PCNX1: variants seen among roughly 807,000 people sequenced by gnomAD.
PCNX1 encodes pecanex 1.
In PCNX1, 78 loss-of-function variants were observed where a neutral mutation model predicts 242.2. The observed-to-expected ratio is 0.32, with a 90% CI of 0.27 to 0.39. The LOEUF is 0.39. Among genes scored for constraint, PCNX1 ranks in the 10% least tolerant of loss-of-function variants. PCNX1 has a pLI of 1.00. For missense variants in PCNX1, 2,581 were observed against 2,856.5 expected, an observed-to-expected ratio of 0.90 and a Z score of 2.20; for synonymous variants, 1,024 against 1,032.9, an observed-to-expected ratio of 0.99 and a Z score of 0.17.
chr14:71,068,964 C>CA (rs2141373582), intron 26 of PCNX1, among the ~76,000 whole-genome samples: 1 of 152,170 alleles, frequency 6.6e-6, no homozygotes, highest in African/African-American at 2.4e-5. Context: ...TGCTGATAAA[C>CA]ACGTACTCGA....
intron 3 of PCNX1, among the ~76,000 whole-genome samples, chr14:70,965,652 G>A (rs2058355858): frequency 8.8e-6 from 1 of 113,934 alleles, no homozygotes; most frequent in South Asian, 3.2e-4. Flanking sequence ...AACAGAGTGA[G>A]ACTCCGTCTC....
At chr14:71,060,225 T>G (rs753429383) in intron 26 of PCNX1, among the ~76,000 whole-genome samples, 3 of 152,158 alleles carry the variant, frequency 2.0e-5, no homozygotes, top group Non-Finnish European at 4.4e-5. Context: ...GTGTTTATGG[T>G]GATGCTGGTA....
rs139251046 is a variant in PCNX1, at chr14:70,911,820, C to T, written c.153+3817C>T. On this transcript the variant is annotated intron_variant, in intron 1 of 35. Coordinates refer to ENST00000304743, the MANE Select transcript of PCNX1 (RefSeq NM_014982.3). ...AAAAAATGGCTAATTGGAAGTGTTTCCTCTATAATGCTGTATGACTGTAGG... is the reference window on the plus strand; with the variant it reads ...AAAAAATGGCTAATTGGAAGTGTTTTCTCTATAATGCTGTATGACTGTAGG... 1.4e-4 allele frequency among the ~76,000 whole-genome samples: 22 copies of T among 152,206 alleles called. 1 individual carries two copies. Among genetic ancestry groups the T allele is most frequent in the African/African-American group, 5.1e-4 (21 of 41,514 alleles).
intron 28 of PCNX1, among the ~76,000 whole-genome samples, chr14:71,076,798 G>A (rs961079234): frequency 6.6e-6 from 1 of 152,208 alleles, no homozygotes. Flanking sequence ...CAAATAGAAA[G>A]TCTAGACCAG....
chr14:71,006,093 GTGTGTGTGTC>G (rs1300760307), intron 8 of PCNX1, among the ~76,000 whole-genome samples: 27 of 120,208 alleles, frequency 2.2e-4, no homozygotes, highest in Middle Eastern at 5.4e-3. Flanking sequence ...CAGCTAGTAC[GTGTGTGTGTC>G]TGTGTGTGTG....
At chr14:71,017,886 A>ATTG (rs2060000768) in intron 11 of PCNX1, among the ~76,000 whole-genome samples, 1 of 152,234 alleles carries the variant, frequency 6.6e-6, no homozygotes, top group Non-Finnish European at 1.5e-5. Flanking sequence ...AAAGATGTTT[A>ATTG]TGAATTTTAT....
At chr14:71,007,261 ATATT>A (rs1381658331) in intron 8 of PCNX1, among the ~76,000 whole-genome samples, 1 of 151,906 alleles carries the variant, frequency 6.6e-6, no homozygotes, top group Non-Finnish European at 1.5e-5. Context: ...TTAATATTAG[ATATT>A]TATACATAAA....
At chr14:71,001,191 C>T (rs1164084716) in intron 8 of PCNX1, among the ~76,000 whole-genome samples, 2 of 152,090 alleles carry the variant, frequency 1.3e-5, no homozygotes, top group Admixed American at 6.6e-5. Flanking sequence ...ACACTGTTTC[C>T]TGATATTTCC....
chr14:70,957,939 T>G (rs1020212910), intron 2 of PCNX1, among the ~76,000 whole-genome samples: 3 of 152,204 alleles, frequency 2.0e-5, no homozygotes, highest in African/African-American at 7.2e-5. Flanking sequence ...TTCTGTTTTC[T>G]TTGGATCTCA....
intron 3 of PCNX1, among the ~76,000 whole-genome samples, chr14:70,963,584 T>C (rs1400164168): frequency 6.6e-6 from 1 of 152,236 alleles, no homozygotes; most frequent in Non-Finnish European, 1.5e-5. Flanking sequence ...GAACAGGGTC[T>C]TGTTTTCTAA....
intron 7 of PCNX1, among the ~76,000 whole-genome samples, chr14:70,992,257 A>G (rs2059187477): frequency 6.6e-6 from 1 of 152,150 alleles, no homozygotes; most frequent in Non-Finnish European, 1.5e-5. Flanking sequence ...TGAAATCATC[A>G]GTGCATTTCA....
intron 33 of PCNX1, among the ~76,000 whole-genome samples, chr14:71,106,522 T>A (rs989334237): frequency 1.3e-5 from 2 of 151,420 alleles, no homozygotes; most frequent in Non-Finnish European, 2.9e-5. Flanking sequence ...TCTTGATATA[T>A]AATGCCAAAA....
At position 71,112,220 on chromosome 14, in the gene PCNX1, T is replaced by A. The variant is rs901667532; in HGVS notation, c.*2285T>A. The A allele has an allele frequency of 1.3e-5, 2 of 152,222 alleles. No individual in the cohort carries two copies. The highest frequency in any genetic ancestry group is 2.4e-5 in the African/African-American group (1 of 41,456). The allele number at this position is 152,222 out of a possible 1,614,324, so 9.4% of individuals were successfully genotyped here. A position where few individuals can be genotyped will look rare whatever the true frequency, so the allele number is the denominator to read the frequency against. On this transcript the variant is annotated 3_prime_UTR_variant, in exon 36 of 36. Transcript: ENST00000304743. ...TTTAATCTGAAGGGCTAGAATTTTT[T>A]AATTTCTAGCCCCTCCTCCAAAAAA...
At chr14:70,996,479 C>T (rs1250864405) in intron 8 of PCNX1, among the ~76,000 whole-genome samples, 1 of 152,032 alleles carries the variant, frequency 6.6e-6, no homozygotes, top group East Asian at 1.9e-4. Context: ...ATTTCTTGTT[C>T]TTGTCAATAT....
chr14:70,986,786 A>T (rs759839490), intron 6 of PCNX1, among the ~76,000 whole-genome samples: 1 of 152,182 alleles, frequency 6.6e-6, no homozygotes, highest in Non-Finnish European at 1.5e-5. Context: ...AAGTTTCTTG[A>T]TGTAGTTGGA....
At chr14:70,925,744 C>G (rs535819641) in intron 1 of PCNX1, among the ~76,000 whole-genome samples, 18 of 152,114 alleles carry the variant, frequency 1.2e-4, no homozygotes, top group Admixed American at 2.6e-4. Flanking sequence ...TTCAAATGTT[C>G]TCATTTAATC....
chr14:71,101,657 C>T (rs556313540), intron 30 of PCNX1, among the ~76,000 whole-genome samples: 11 of 151,568 alleles, frequency 7.3e-5, no homozygotes, highest in South Asian at 2.1e-4. Context: ...CTAATAGTGA[C>T]GTAATCCTTC....
At chr14:71,077,009 T>C (rs1382208397) in intron 28 of PCNX1, among the ~76,000 whole-genome samples, 1 of 152,200 alleles carries the variant, frequency 6.6e-6, no homozygotes, top group Non-Finnish European at 1.5e-5. Flanking sequence ...GATTTTCAAA[T>C]GTTAATATGA....
chr14:71,043,090 G>A (rs1401955034), intron 19 of PCNX1, among the ~76,000 whole-genome samples: 6 of 152,040 alleles, frequency 3.9e-5, no homozygotes, highest in Non-Finnish European at 8.8e-5. Flanking sequence ...TAGCTGAAGA[G>A]TTTTTTTCTT....
Sources: allele counts gnomAD v4.1 joint callset (sites outside exome capture counted in the v4.1 genomes callset), GRCh38; gene constraint gnomAD v4.1.1; transcripts MANE v1.5; gene names NCBI Gene and HGNC (gene_info 2026-07-23, HGNC 2026-07-21).